The following BUD23 variants were observed in gnomAD, a reference collection of about 807,000 sequenced individuals.
BUD23 encodes BUD23 rRNA methyltransferase and ribosome maturation factor, also known as 18S rRNA (guanine-N(7))-methyltransferase.
In BUD23, 34 loss-of-function variants were observed where a neutral mutation model predicts 47.0. That is an observed-to-expected ratio of 0.72 (90% confidence interval 0.55 to 0.96). The LOEUF (loss-of-function observed/expected upper bound fraction) is 0.96. Among genes scored for constraint, BUD23 ranks in the 40% least tolerant of loss-of-function variants. The probability of loss-of-function intolerance (pLI) is 0.00; values close to 1 mark genes in which losing one functional copy is unlikely to be tolerated. For synonymous variants in BUD23, 124 were observed against 132.0 expected (o/e 0.94, Z 0.41); for missense variants, 343 against 361.2 (o/e 0.95, Z 0.41).
chr7:73,697,768 T>C (rs79330956), intron 11 of BUD23, 64 bp from the exon 12 acceptor site: 1 of 1,609,640 alleles, frequency 6.2e-7, no homozygotes, highest in Non-Finnish European at 8.5e-7. Flanking sequence ...TTCCCTTTAT[T>C]TGAAGGGTCC....
intron 2 of BUD23, among the ~76,000 whole-genome samples, chr7:73,685,059 C>T (rs565126107): frequency 6.6e-6 from 1 of 151,838 alleles, no homozygotes; most frequent in Admixed American, 6.6e-5. Context: ...GTAATCCCAG[C>T]CCTGTGGGAG....
chr7:73,690,761 C>T (rs1798159961), intron 5 of BUD23, among the ~76,000 whole-genome samples, 155 bp from the exon 6 acceptor site: 1 of 152,162 alleles, frequency 6.6e-6, no homozygotes, highest in Non-Finnish European at 1.5e-5. Context: ...CGTTGAACCA[C>T]TGTACGTGGC....
chr7:73,687,422 G>A (rs1364993261), intron 5 of BUD23, among the ~76,000 whole-genome samples: 1 of 152,122 alleles, frequency 6.6e-6, no homozygotes, highest in Non-Finnish European at 1.5e-5. Context: ...GATTACAGGA[G>A]CACGCCACCA....
At chr7:73,687,150 C>T (rs1183925208) in intron 5 of BUD23, 55 bp downstream of exon 5, 23 of 1,570,358 alleles carry the variant, frequency 1.5e-5, no homozygotes, top group African/African-American at 2.7e-5. Context: ...CTCACTCTAT[C>T]ACTTAGGCTC....
chr7:73,693,800 T>C (rs958798162), intron 9 of BUD23, 131 bp downstream of exon 9: 1 of 1,369,428 alleles, frequency 7.3e-7, no homozygotes, highest in African/African-American at 1.4e-5. Context: ...GACCCTGGAG[T>C]GCTCACATCC....
At chr7:73,693,908 A>G (rs940833146) in intron 9 of BUD23, 84 bp from the exon 10 acceptor site, 51 of 1,557,606 alleles carry the variant, frequency 3.3e-5, no homozygotes, top group Non-Finnish European at 4.3e-5. Flanking sequence ...CGGAAGGGTC[A>G]GGCCTGGGTG....
chr7:73,683,683 G>C lies in BUD23; in HGVS notation c.48+10G>C. ...CGGACCCCCAGAGCTGGTAAGTCCC[G>C]GGGCCCGCGGACACCCCTCTCCCCA... On this transcript the variant is annotated intron_variant, in intron 1 of 11. Transcript: ENST00000265758. 6.2e-7 allele frequency: 1 copy of C among 1,613,630 alleles called. No homozygotes were observed. The highest frequency in any genetic ancestry group is 8.5e-7 in the Non-Finnish European group (1 of 1,179,952).
intron 10 of BUD23, chr7:73,696,213 C>T (rs1228854589): frequency 1.3e-5 from 2 of 152,126 alleles, no homozygotes; most frequent in African/African-American, 2.4e-5. Context: ...CTCACGTCCA[C>T]CATAGGTTTA....
In BUD23 at chr7:73,698,137, G is replaced by GA. The variant is rs11390617; in HGVS notation, c.*270dup. 1.9e-3 allele frequency: 262 copies of GA among 136,500 alleles called. 3 individuals are homozygous for GA. Among genetic ancestry groups the GA allele is most frequent in the African/African-American group, 5.6e-3 (195 of 34,876 alleles). The allele number at this position is 136,500 out of a possible 1,614,324, so 8.5% of individuals were successfully genotyped here. ...ATAATGAAACTTCCTTTCCAGGGAG[G>GA]AAAAAAAAAAAAAAAAAAAGCTCTG... On this transcript the variant is annotated 3_prime_UTR_variant, in exon 12 of 12. Coordinates refer to ENST00000265758, the MANE Select transcript of BUD23 (RefSeq NM_017528.5).
At chr7:73,683,864 G>A (rs1797827585) in intron 2 of BUD23, 60 bp downstream of exon 2, 1 of 1,613,894 alleles carries the variant, frequency 6.2e-7, no homozygotes, top group Non-Finnish European at 8.5e-7. Flanking sequence ...AGTTGCCCCT[G>A]TTGCTGGCGT....
chr7:73,697,022 C>T (rs1473939249), intron 10 of BUD23: 3 of 222,708 alleles, frequency 1.3e-5, no homozygotes, highest in Non-Finnish European at 2.7e-5. Context: ...TGCAGCTGCT[C>T]CTGCTTTGTG....
chr7:73,687,100 G>C lies in BUD23; in HGVS notation c.362+5G>C. On this transcript the variant is annotated splice_donor_5th_base_variant and intron_variant, in intron 5 of 11. Transcript: ENST00000265758. ...CACATTTGATGGTTGCATCAGGTGA[G>C]GGTCTTTAATTCCTGCTTTTATTTA... 1 of 1,613,042 alleles carries C rather than the reference G, an allele frequency of 6.2e-7. No individual in the cohort carries two copies. Among genetic ancestry groups the C allele is most frequent in the Non-Finnish European group, 8.5e-7 (1 of 1,179,950 alleles).
chr7:73,692,710 G>T (rs1554614255), intron 7 of BUD23, 64 bp downstream of exon 7: 7 of 1,510,106 alleles, frequency 4.6e-6, no homozygotes, highest in Non-Finnish European at 6.4e-6. Context: ...GCTGTCCTGG[G>T]GAAGCGACAA....
At position 73,691,032 on chromosome 7, in the gene BUD23, C is replaced by T. The variant is rs781860679; in HGVS notation, c.459+20C>T. On this transcript the variant is annotated intron_variant, in intron 6 of 11. Transcript: ENST00000265758. ...GTTCTCGTGAGTATAAGATCTTCTC[C>T]CCATCTGGGTTAGCTGCCTGTCCCT... The T allele has an allele frequency of 1.2e-5, 19 of 1,608,834 alleles. No homozygotes were observed. In the Admixed American group the frequency reaches 2.8e-4, roughly 24 times the overall value.
In BUD23 at chr7:73,683,743, C is replaced by G. The variant is rs782546039; in HGVS notation, c.49-24C>G. The G allele has an allele frequency of 5.6e-6, 9 of 1,614,118 alleles. 1 individual carries two copies. The highest frequency in any genetic ancestry group is 5.3e-5 in the African/African-American group (4 of 74,946). On this transcript the variant is annotated intron_variant, in intron 1 of 11. Transcript: ENST00000265758. ...CCACCGCGTCTGAATTATTCCTCTA[C>G]ATGCCATTTTCTCTTTTTCGCAGTT...
intron 2 of BUD23, among the ~76,000 whole-genome samples, chr7:73,684,436 A>G (rs1797858763): frequency 6.6e-6 from 1 of 151,322 alleles, no homozygotes; most frequent in Admixed American, 6.6e-5. Flanking sequence ...AGTAGTTGGG[A>G]CCACAGGCGC....
intron 2 of BUD23, among the ~76,000 whole-genome samples, chr7:73,684,609 A>AC (rs1376996429): frequency 5.2e-4 from 47 of 89,804 alleles, no homozygotes; most frequent in Non-Finnish European, 2.7e-4. Flanking sequence ...TCGTTAAAAA[A>AC]AAAAAAAAGG....
intron 7 of BUD23, 35 bp from the exon 8 acceptor site, chr7:73,693,294 C>T: frequency 6.3e-7 from 1 of 1,591,434 alleles, no homozygotes; most frequent in Non-Finnish European, 8.6e-7. Flanking sequence ...TCCTCTCAAC[C>T]TCCGCTGCCT....
intron 6 of BUD23, among the ~76,000 whole-genome samples, chr7:73,691,308 T>TG (rs752950098): frequency 1.6e-4 from 25 of 152,298 alleles, no homozygotes; most frequent in South Asian, 4.1e-4. Flanking sequence ...CTATGTCTAT[T>TG]GCGCTGAGTT....
Sources: allele counts gnomAD v4.1 joint callset (sites outside exome capture counted in the v4.1 genomes callset), GRCh38; gene constraint gnomAD v4.1.1; transcripts MANE v1.5; gene names NCBI Gene and HGNC (gene_info 2026-07-23, HGNC 2026-07-21).